Variants in TECTB observed in about 807,000 individuals in gnomAD.
The protein encoded by TECTB is tectorin beta.
TECTB carries 45 observed loss-of-function variants against 43.3 expected under a neutral mutation model. The ratio of observed to expected loss-of-function variants is 1.04; its 90% CI spans 0.82 to 1.33. The LOEUF (loss-of-function observed/expected upper bound fraction) is 1.33, where lower values mean the gene tolerates loss of function less well. Ranked by LOEUF, TECTB falls within the 40% of genes most tolerant of loss-of-function variation. The probability of loss-of-function intolerance (pLI) is 0.00; values close to 1 mark genes in which losing one functional copy is unlikely to be tolerated. For synonymous variants in TECTB, 169 were observed against 156.7 expected (o/e 1.08, Z -0.59); for missense variants, 399 against 404.7 (o/e 0.99, Z 0.12).
rs533965996 is a variant in TECTB at position 112,296,445 on chromosome 10, C to A, written c.672-1624C>A. 9.0e-4 allele frequency among the ~76,000 whole-genome samples: 137 copies of A among 152,212 alleles called. 1 individual carries two copies. Among genetic ancestry groups the A allele is most frequent in the Non-Finnish European group, 1.6e-3 (109 of 68,044 alleles). ...CTATTTTTTGCCTCCTCCCCACCCC[C>A]TGACAAAGCTCTGCTTACATTATTT... On this transcript the variant is annotated intron_variant, in intron 7 of 10. Transcript: ENST00000646139.
In TECTB at chr10:112,303,533, C is replaced by T; in HGVS notation, c.*221C>T. On this transcript the variant is annotated 3_prime_UTR_variant, in exon 11 of 11. Coordinates refer to ENST00000646139, the MANE Select transcript of TECTB (RefSeq NM_058222.3). ...TACTTCCCGTGGCCCTTAGATCTCA[C>T]AGTCCTTCTACAGCTGGGGGAGGAG... 3.4e-6 allele frequency: 2 copies of T among 581,400 alleles called. No individual in the cohort carries two copies. The highest frequency in any genetic ancestry group is 5.7e-5 in the Admixed American group (2 of 34,904). The allele number at this position is 581,400 out of a possible 1,614,324, so 36.0% of individuals were successfully genotyped here.
intron 9 of TECTB, among the ~76,000 whole-genome samples, chr10:112,301,789 C>T (rs1157920059): frequency 6.6e-6 from 1 of 152,068 alleles, no homozygotes; most frequent in Non-Finnish European, 1.5e-5. Context: ...GGTTGGAGTG[C>T]AATGACGTGA....
At position 112,299,493 on chromosome 10, in the gene TECTB, C is replaced by A; in HGVS notation, c.836C>A (p.Thr279Asn). ...CDSEKLSCPV[T>N]CDKRKRLLRD... ...CTGTCTGCCTCTCTGGGTCTTCAGA[C>A]CTGCGATAAACGGAAGCGCCTCCTG... Residue 279 changes from threonine to asparagine, a missense_variant and splice_region_variant, in exon 9 of 11, where the codon ACC becomes AAC. By Grantham distance (65) the Thr-to-Asn change is moderately conservative. Coordinates refer to ENST00000646139, the MANE Select transcript of TECTB (RefSeq NM_058222.3). 1 of 1,614,218 alleles carries A rather than the reference C, an allele frequency of 6.2e-7. No homozygotes were observed. Among genetic ancestry groups the A allele is most frequent in the East Asian group, 2.2e-5 (1 of 44,880 alleles).
chr10:112,300,295 G>T (rs866068061), intron 9 of TECTB, among the ~76,000 whole-genome samples: 25 of 87,450 alleles, frequency 2.9e-4, no homozygotes, highest in African/African-American at 1.4e-3. Flanking sequence ...AAGAAAGAAA[G>T]AAAGAAAGAA....
intron 3 of TECTB, 143 bp from the exon 4 acceptor site, chr10:112,285,928 A>G: frequency 9.7e-7 from 1 of 1,028,420 alleles, no homozygotes; most frequent in Non-Finnish European, 1.5e-6. Flanking sequence ...GCAGACAAGA[A>G]GAGTGGATGC....
At chr10:112,284,840 G>A (rs2133346634) in intron 3 of TECTB, 115 bp downstream of exon 3, 1 of 945,146 alleles carries the variant, frequency 1.1e-6, no homozygotes, top group Non-Finnish European at 1.5e-6. Flanking sequence ...TCCTTTTAAA[G>A]GTCAGTCCTG....
At chr10:112,290,670 C>T (rs572159266) in intron 5 of TECTB, among the ~76,000 whole-genome samples, 10 of 152,342 alleles carry the variant, frequency 6.6e-5, no homozygotes, top group African/African-American at 2.2e-4. Flanking sequence ...AATGGCCTCT[C>T]AAAATATGAC....
chr10:112,285,369 A>G (rs1848445242), intron 3 of TECTB, among the ~76,000 whole-genome samples: 4 of 152,186 alleles, frequency 2.6e-5, no homozygotes, highest in Admixed American at 2.6e-4. Context: ...CCTACCTGCC[A>G]GAAGGCTGTG....
rs1252967861 is a variant in TECTB at position 112,304,723 on chromosome 10, G to A, written c.*1411G>A. The A allele has an allele frequency of 7.1e-6, 1 of 140,822 alleles. No homozygotes were observed. The highest frequency in any genetic ancestry group is 1.5e-5 in the Non-Finnish European group (1 of 68,006). 8.7% of individuals were successfully genotyped at this position (140,822 alleles called of 1,614,324 possible). ...TATGAAATCTCCGGATACATGAAGTGTATGTTTGTTTAGTAATAGGCTAAA... is the reference window on the plus strand; with the variant it reads ...TATGAAATCTCCGGATACATGAAGTATATGTTTGTTTAGTAATAGGCTAAA... On this transcript the variant is annotated 3_prime_UTR_variant, in exon 11 of 11. Transcript: ENST00000646139.
Position 112,300,273 on chromosome 10 carries a change from A to AG in TECTB, c.907+710dup, listed in dbSNP as rs1491585536. Among the ~76,000 whole-genome samples, 181 of 31,170 alleles carry AG rather than the reference A, an allele frequency of 5.8e-3. 6 individuals are homozygous for AG. Among genetic ancestry groups the AG allele is most frequent in the Middle Eastern group, 0.043 (3 of 70 alleles). 20.4% of individuals were successfully genotyped at this position (31,170 alleles called of 152,430 possible). On this transcript the variant is annotated intron_variant, in intron 9 of 10. Coordinates refer to ENST00000646139, the MANE Select transcript of TECTB (RefSeq NM_058222.3). ...AAGAAAGAAAGAAAGAAAGAAAGAAAGAAAGAAAAGAAAGAAAGAAAGAAA... is the reference window on the plus strand; with the variant it reads ...AAGAAAGAAAGAAAGAAAGAAAGAAAGGAAAGAAAAGAAAGAAAGAAAGAAA...
intron 10 of TECTB, 81 bp from the exon 11 acceptor site, chr10:112,303,181 CT>C (rs1848626816): frequency 6.5e-7 from 1 of 1,531,376 alleles, no homozygotes; most frequent in Admixed American, 1.7e-5. Context: ...ATGAAGACCC[CT>C]GAGTTAACTC....
chr10:112,303,272 A>G lies in TECTB; in HGVS notation c.950A>G (p.His317Arg), dbSNP rs746875075. The change falls in exon 11 of 11, where the codon CAC becomes CGC. Residue 317 changes from histidine to arginine, a missense_variant. Physicochemically the swap from His to Arg is conservative, Grantham distance 29. Coordinates refer to ENST00000646139, the MANE Select transcript of TECTB (RefSeq NM_058222.3). Reference sequence around the variant, plus strand: ...CCCTTCTGGTCCACAGATGTTCTCCACCACCTCATCATGATGTTGGGGATT... The same window carrying G: ...CCCTTCTGGTCCACAGATGTTCTCCGCCACCTCATCATGATGTTGGGGATT... Reference protein sequence around the residue: ...SSLYSFSDVLHHLIMMLGICA... With the variant: ...SSLYSFSDVLRHLIMMLGICA... The G allele has an allele frequency of 6.2e-7, 1 of 1,614,088 alleles. No homozygotes were observed. Among genetic ancestry groups the G allele is most frequent in the African/African-American group, 1.3e-5 (1 of 75,014 alleles).
Position 112,285,210 on chromosome 10 carries a change from G to A in TECTB, c.267+485G>A, listed in dbSNP as rs536451751. On this transcript the variant is annotated intron_variant, in intron 3 of 10. Transcript: ENST00000646139. ...ATAAGATAATTATTAGGAAACAGAC[G>A]CCCTCTTACCAAGTATCATATGACA... 3.9e-5 allele frequency among the ~76,000 whole-genome samples: 6 copies of A among 152,278 alleles called. No homozygotes were observed. In the Middle Eastern group the frequency reaches 0.01, roughly 259 times the overall value.
chr10:112,283,535 A>G, intron 1 of TECTB, 39 bp downstream of exon 1: 2 of 577,374 alleles, frequency 3.5e-6, no homozygotes, highest in Non-Finnish European at 6.1e-6. Context: ...GCTAACAGGA[A>G]ACAATTAGAA....
At chr10:112,302,277 G>T in intron 10 of TECTB, 144 bp downstream of exon 10, 1 of 941,794 alleles carries the variant, frequency 1.1e-6, no homozygotes. Context: ...GTGGCGCAGA[G>T]GGGGCGAGAT....
chr10:112,290,148 C>T (rs1187837189), intron 5 of TECTB, among the ~76,000 whole-genome samples: 3 of 152,200 alleles, frequency 2.0e-5, no homozygotes, highest in Non-Finnish European at 4.4e-5. Context: ...ACCGCTCACT[C>T]TGTACTTCCT....
Position 112,299,559 on chromosome 10 carries a change from T to C in TECTB, c.902T>C (p.Leu301Pro), listed in dbSNP as rs1163748047. The C allele has an allele frequency of 3.1e-6, 5 of 1,596,204 alleles. No individual in the cohort carries two copies. The highest frequency in any genetic ancestry group is 1.5e-5 in the African/African-American group (1 of 68,024). ...GGAGTCCTGGTCGTGGAGCTCTCCC[T>C]GCGGAGTAAGCGTCTCTGTTTTCCT... ...TGGVLVVELSLRSRGFSSLYS... is the reference protein window; with the variant it reads ...TGGVLVVELSPRSRGFSSLYS... The change falls in exon 9 of 11, where the codon CTG becomes CCG. Residue 301 changes from leucine to proline, a missense_variant. Physicochemically the swap from Leu to Pro is moderately conservative, Grantham distance 98. Coordinates refer to ENST00000646139, the MANE Select transcript of TECTB (RefSeq NM_058222.3).
intron 5 of TECTB, among the ~76,000 whole-genome samples, chr10:112,291,979 A>G (rs1848503022): frequency 6.6e-6 from 1 of 152,138 alleles, no homozygotes; most frequent in Non-Finnish European, 1.5e-5. Flanking sequence ...TACTAAAAAT[A>G]CAAAAAATTA....
intron 5 of TECTB, among the ~76,000 whole-genome samples, chr10:112,287,596 T>C (rs781736472): frequency 1.4e-4 from 21 of 152,222 alleles, no homozygotes; most frequent in Admixed American, 3.9e-4. Flanking sequence ...ACCTGCTGCC[T>C]GGAAGCTATC....
Sources: gnomAD v4.1 joint callset for allele counts (sites outside exome capture counted in the v4.1 genomes callset) on GRCh38, gnomAD v4.1.1 for gene constraint, MANE v1.5 for transcripts, NCBI Gene and HGNC (gene_info 2026-07-23, HGNC 2026-07-21) for gene names.